The following CREG2 variants were observed in gnomAD, a reference collection of about 807,000 sequenced individuals.
CREG2 encodes the protein protein CREG2.
CREG2 carries 24 observed loss-of-function variants against 26.2 expected under a neutral mutation model. The observed-to-expected ratio is 0.92, with a 90% confidence interval of 0.66 to 1.29. The LOEUF (loss-of-function observed/expected upper bound fraction) is 1.29. Among genes scored for constraint, CREG2 ranks in the 50% most tolerant of loss-of-function variants. The pLI, the probability that CREG2 is intolerant of heterozygous loss-of-function variation, is 0.00. For missense variants in CREG2, 366 were observed against 398.6 expected (o/e 0.92, Z 0.70); for synonymous variants, 174 against 169.2 (o/e 1.03, Z -0.22).
chr2:101,366,718 A>G (rs1232999376), intron 2 of CREG2, among the ~76,000 whole-genome samples: 1 of 152,120 alleles, frequency 6.6e-6, no homozygotes, highest in Admixed American at 6.5e-5. Context: ...GCAACTTGGG[A>G]GGATGAGGCA....
intron 3 of CREG2, among the ~76,000 whole-genome samples, chr2:101,353,834 A>G (rs1326056624): frequency 6.6e-6 from 1 of 152,200 alleles, no homozygotes; most frequent in Non-Finnish European, 1.5e-5. Context: ...TGAAGCTGGA[A>G]GCCATCATCC....
At position 101,347,407 on chromosome 2, in the gene CREG2, G is replaced by T. The variant is rs1684323366; in HGVS notation, c.*3516C>A. On this transcript the variant is annotated 3_prime_UTR_variant, in exon 4 of 4. Coordinates refer to ENST00000324768, the MANE Select transcript of CREG2 (RefSeq NM_153836.4). The stretch of plus-strand genomic sequence containing the variant: ...AGAAACTGGCAAATGGTTTTGCGGA[G>T]TGGCTGTTCCATTTTCTATTCCCAC... 2 of 152,220 alleles carry T rather than the reference G, an allele frequency of 1.3e-5. No individual in the cohort carries two copies. The highest frequency in any genetic ancestry group is 4.1e-4 in the South Asian group (2 of 4,836). The allele number at this position is 152,220 out of a possible 1,614,324, so 9.4% of individuals were successfully genotyped here.
Position 101,355,411 on chromosome 2 carries a change from C to T in CREG2, c.612-45G>A, listed in dbSNP as rs758858988. On this transcript the variant is annotated intron_variant, in intron 2 of 3. Coordinates refer to ENST00000324768, the MANE Select transcript of CREG2 (RefSeq NM_153836.4). ...TTTGTATATCAGAACAAGGACAGAA[C>T]ATCAGCCAGCAATTCTAACGATTTT... The T allele has an allele frequency of 6.5e-5, 79 of 1,210,500 alleles. No individual in the cohort carries two copies. In the Middle Eastern group the frequency reaches 1.9e-3, roughly 29 times the overall value. The allele number at this position is 1,210,500 out of a possible 1,614,324, so 75.0% of individuals were successfully genotyped here.
At chr2:101,351,329 G>A (rs1684378382) in intron 3 of CREG2, among the ~76,000 whole-genome samples, 1 of 152,202 alleles carries the variant, frequency 6.6e-6, no homozygotes, top group Non-Finnish European at 1.5e-5. Context: ...AACTGCTGAT[G>A]AGCTGTGACG....
chr2:101,375,711 G>A, intron 2 of CREG2: 1 of 171,512 alleles, frequency 5.8e-6, no homozygotes, highest in Non-Finnish European at 1.3e-5. Flanking sequence ...AGGACGGGGT[G>A]GGGTGCGGCA....
intron 1 of CREG2, 112 bp from the exon 2 acceptor site, chr2:101,383,814 C>T (rs1032223449): frequency 3.0e-6 from 3 of 991,258 alleles, no homozygotes; most frequent in Non-Finnish European, 4.4e-6. Flanking sequence ...GAGGGGGGAT[C>T]ATGGCATCAC....
At chr2:101,360,903 C>T (rs959221803) in intron 2 of CREG2, among the ~76,000 whole-genome samples, 9 of 152,088 alleles carry the variant, frequency 5.9e-5, no homozygotes, top group South Asian at 4.2e-4. Flanking sequence ...ATAACTGAGA[C>T]GCATAGGAGA....
At chr2:101,356,945 A>G (rs1414106387) in intron 2 of CREG2, among the ~76,000 whole-genome samples, 2 of 151,710 alleles carry the variant, frequency 1.3e-5, no homozygotes, top group African/African-American at 4.8e-5. Flanking sequence ...GCTGGAGTGC[A>G]ATGGCGTAAT....
intron 2 of CREG2, among the ~76,000 whole-genome samples, chr2:101,359,672 ACTAG>A (rs762551254): frequency 3.3e-5 from 5 of 152,338 alleles, no homozygotes; most frequent in Middle Eastern, 3.4e-3. Flanking sequence ...CTCATGTCTG[ACTAG>A]CTACCTACAG....
At chr2:101,367,025 G>A (rs533963056) in intron 2 of CREG2, among the ~76,000 whole-genome samples, 1 of 152,188 alleles carries the variant, frequency 6.6e-6, no homozygotes, top group South Asian at 2.1e-4. Context: ...CTTTTGGTGG[G>A]GGGCTGGAGG....
chr2:101,359,030 G>A (rs1318826231), intron 2 of CREG2, among the ~76,000 whole-genome samples: 4 of 6,256 alleles, frequency 6.4e-4, no homozygotes, highest in African/African-American at 9.1e-4. Flanking sequence ...GCGAGACTCC[G>A]TCTCAAAAAA....
chr2:101,361,171 G>C (rs185153808), intron 2 of CREG2, among the ~76,000 whole-genome samples: 45 of 152,146 alleles, frequency 3.0e-4, no homozygotes, highest in Non-Finnish European at 5.9e-4. Context: ...GAAATAAAAA[G>C]GAGATTATAT....
chr2:101,380,958 G>C (rs918117226), intron 2 of CREG2, among the ~76,000 whole-genome samples: 1 of 151,824 alleles, frequency 6.6e-6, no homozygotes, highest in Non-Finnish European at 1.5e-5. Context: ...AAAAAATGCT[G>C]TTGCAAGTTT....
chr2:101,380,242 C>T (rs901194236), intron 2 of CREG2, among the ~76,000 whole-genome samples: 3 of 152,240 alleles, frequency 2.0e-5, no homozygotes, highest in Non-Finnish European at 4.4e-5. Context: ...ACTTGCATTC[C>T]TCCCTCCCTA....
rs181227403 is a variant in CREG2, at chr2:101,365,514, C to T, written c.612-10148G>A. Among the ~76,000 whole-genome samples the T allele has an allele frequency of 2.2e-3, 332 of 152,300 alleles. 2 individuals are homozygous for T. Among genetic ancestry groups the T allele is most frequent in the Middle Eastern group, 3.4e-3 (1 of 294 alleles). On this transcript the variant is annotated intron_variant, in intron 2 of 3. Coordinates refer to ENST00000324768, the MANE Select transcript of CREG2 (RefSeq NM_153836.4). The stretch of plus-strand genomic sequence containing the variant: ...GTCTTTGGTATGACATCCTTCCCAA[C>T]CAATATTGTCTGTAGGTGGTCACTT...
chr2:101,383,719 A>C lies in CREG2; in HGVS notation c.442-17T>G. 6.3e-7 allele frequency: 1 copy of C among 1,581,148 alleles called. No individual in the cohort carries two copies. The highest frequency in any genetic ancestry group is 8.6e-7 in the Non-Finnish European group (1 of 1,164,014). On this transcript the variant is annotated splice_polypyrimidine_tract_variant and intron_variant, in intron 1 of 3. Transcript: ENST00000324768. ...TCCTTGGATCTAACAAACACCAAAAAAGGCTTTTTCAGTGCAGAGCTGTGG... is the reference window on the plus strand; with the variant it reads ...TCCTTGGATCTAACAAACACCAAAACAGGCTTTTTCAGTGCAGAGCTGTGG...
chr2:101,351,443 C>T (rs928424153), intron 3 of CREG2, among the ~76,000 whole-genome samples: 1 of 152,178 alleles, frequency 6.6e-6, no homozygotes, highest in African/African-American at 2.4e-5. Context: ...AGGCAATGAA[C>T]CACACAGAAA....
intron 2 of CREG2, among the ~76,000 whole-genome samples, chr2:101,376,312 C>G (rs1196710760): frequency 6.7e-6 from 1 of 150,098 alleles, no homozygotes; most frequent in Non-Finnish European, 1.5e-5. Context: ...GAGTGTCACT[C>G]TGTTGCCCAA....
intron 2 of CREG2, among the ~76,000 whole-genome samples, chr2:101,362,895 A>G (rs1024224958): frequency 6.6e-6 from 1 of 152,092 alleles, no homozygotes; most frequent in African/African-American, 2.4e-5. Flanking sequence ...GCCCAGAGGG[A>G]TGTCCTTCCT....
Sources: gnomAD v4.1 joint callset for allele counts (sites outside exome capture counted in the v4.1 genomes callset) on GRCh38, gnomAD v4.1.1 for gene constraint, MANE v1.5 for transcripts, NCBI Gene and HGNC (gene_info 2026-07-23, HGNC 2026-07-21) for gene names.